MECOM: variants seen among roughly 807,000 people sequenced by gnomAD.
MECOM encodes the protein MDS1 and EVI1 complex locus.
In MECOM, 13 loss-of-function variants were observed where a neutral mutation model predicts 116.3. The observed-to-expected ratio is 0.11, with a 90% CI of 0.07 to 0.18. The LOEUF is 0.18. Ranked by LOEUF, MECOM falls within the 10% of genes least tolerant of loss-of-function variation. The probability of loss-of-function intolerance (pLI) is 1.00; values close to 1 mark genes in which losing one functional copy is unlikely to be tolerated. For synonymous variants in MECOM, 528 were observed against 535.2 expected, an observed-to-expected ratio of 0.99 and a Z score of 0.19; for missense variants, 1,299 against 1,509.0, an observed-to-expected ratio of 0.86 and a Z score of 2.31.
intron 2 of MECOM, among the ~76,000 whole-genome samples, chr3:169,158,013 C>T (rs1577207869): frequency 6.6e-6 from 1 of 152,154 alleles, no homozygotes; most frequent in East Asian, 1.9e-4. Context: ...ACATTTTAAA[C>T]TCATACTTTT....
At chr3:169,295,630 C>A (rs1412780885) in intron 2 of MECOM, among the ~76,000 whole-genome samples, 1 of 152,084 alleles carries the variant, frequency 6.6e-6, no homozygotes, top group African/African-American at 2.4e-5. Context: ...CTCTCAAATT[C>A]TTTTTATGTT....
intron 1 of MECOM, among the ~76,000 whole-genome samples, chr3:169,390,365 T>A (rs1734027004): frequency 6.6e-6 from 1 of 152,150 alleles, no homozygotes; most frequent in South Asian, 2.1e-4. Context: ...CTCTAACCAG[T>A]GAAACTGGAA....
intron 1 of MECOM, among the ~76,000 whole-genome samples, chr3:169,576,277 G>T (rs763847396): frequency 6.6e-6 from 1 of 151,926 alleles, no homozygotes; most frequent in African/African-American, 2.4e-5. Context: ...CGTTTATTAA[G>T]TACCAACAGT....
intron 2 of MECOM, chr3:169,149,742 C>T: frequency 6.6e-6 from 3 of 455,948 alleles, no homozygotes; most frequent in South Asian, 3.1e-5. Context: ...CCTCCGAGAC[C>T]TTGGAAGATG....
intron 11 of MECOM, 140 bp downstream of exon 11, chr3:169,101,920 G>T: frequency 1.5e-6 from 1 of 679,038 alleles, no homozygotes; most frequent in Non-Finnish European, 2.2e-6. Flanking sequence ...ACTAAATGAA[G>T]AACACTTTGA....
intron 1 of MECOM, among the ~76,000 whole-genome samples, chr3:169,407,616 A>C (rs191856703): frequency 1.3e-5 from 2 of 152,340 alleles, no homozygotes; most frequent in East Asian, 1.9e-4. Context: ...CTTATATCTT[A>C]AACACCTCAA....
At chr3:169,131,387 C>A (rs1200755975) in intron 4 of MECOM, 42 bp downstream of exon 4, 2 of 1,494,400 alleles carry the variant, frequency 1.3e-6, no homozygotes, top group Non-Finnish European at 1.9e-6. Context: ...TTTATAGTCG[C>A]GATGATAAGG....
chr3:169,103,338 G>A (rs1724237893), intron 10 of MECOM, among the ~76,000 whole-genome samples: 1 of 151,910 alleles, frequency 6.6e-6, no homozygotes, highest in Non-Finnish European at 1.5e-5. Context: ...AACATGTTGT[G>A]TTTCCTCAGG....
At chr3:169,438,093 T>C (rs2108594664) in intron 1 of MECOM, among the ~76,000 whole-genome samples, 1 of 152,280 alleles carries the variant, frequency 6.6e-6, no homozygotes, top group East Asian at 1.9e-4. Flanking sequence ...GCAGTAATAT[T>C]AGGAAAAAGA....
chr3:169,547,003 C>A (rs960980620), intron 1 of MECOM, among the ~76,000 whole-genome samples: 1 of 152,122 alleles, frequency 6.6e-6, no homozygotes, highest in African/African-American at 2.4e-5. Flanking sequence ...GGTCAACATC[C>A]TATTAAAGAC....
intron 2 of MECOM, among the ~76,000 whole-genome samples, chr3:169,156,361 G>A (rs1261227121): frequency 1.3e-5 from 2 of 152,078 alleles, no homozygotes; most frequent in African/African-American, 4.8e-5. Flanking sequence ...AAACAATTTT[G>A]TAAATAAAGT....
intron 2 of MECOM, among the ~76,000 whole-genome samples, chr3:169,338,079 A>C (rs767008277): frequency 2.6e-5 from 4 of 152,230 alleles, no homozygotes; most frequent in Non-Finnish European, 5.9e-5. Context: ...GTTGCGATAT[A>C]ATCAGAGGGT....
At chr3:169,322,997 T>TTAAA (rs1270690613) in intron 2 of MECOM, among the ~76,000 whole-genome samples, 798 of 56,038 alleles carry the variant, frequency 0.014, 68 homozygotes, top group African/African-American at 0.046. Flanking sequence ...AAGACTCCGG[T>TTAAA]AAAAAAAAAA....
At chr3:169,458,428 G>A (rs759279222) in intron 1 of MECOM, among the ~76,000 whole-genome samples, 1 of 152,118 alleles carries the variant, frequency 6.6e-6, no homozygotes, top group South Asian at 2.1e-4. Flanking sequence ...ATCCAACAGC[G>A]CCGAGATATA....
intron 2 of MECOM, among the ~76,000 whole-genome samples, chr3:169,160,695 C>T (rs1553863091): frequency 2.0e-5 from 3 of 150,852 alleles, no homozygotes; most frequent in Non-Finnish European, 4.4e-5. Flanking sequence ...GTTTGTAAAA[C>T]AAAAAAAGGC....
chr3:169,247,836 A>C (rs576651273), intron 2 of MECOM, among the ~76,000 whole-genome samples: 1 of 152,316 alleles, frequency 6.6e-6, no homozygotes, highest in South Asian at 2.1e-4. Flanking sequence ...ATTTAAACAG[A>C]ATCTTTGGAC....
rs1485021594 is a variant in MECOM, at chr3:169,183,757, TACATACACACACACACACAC to T, written c.376-39945_376-39926del. ...TACGTTAAGGACTGTAGAAGATACA[TACATACACACACACACACAC>T]ACACACACACACACACACACACACA... On this transcript the variant is annotated intron_variant, in intron 2 of 16. Transcript: ENST00000651503. Among the ~76,000 whole-genome samples the T allele has an allele frequency of 6.6e-4, 56 of 84,580 alleles. 1 individual carries two copies. The East Asian group carries it at 8.1e-3, about 12-fold the overall frequency. 55.5% of individuals were successfully genotyped at this position (84,580 alleles called of 152,430 possible).
At chr3:169,284,980 G>T (rs1712968080) in intron 2 of MECOM, among the ~76,000 whole-genome samples, 1 of 152,170 alleles carries the variant, frequency 6.6e-6, no homozygotes, top group Non-Finnish European at 1.5e-5. Context: ...AGGATCCATG[G>T]TGTGGCCCCC....
intron 5 of MECOM, 140 bp from the exon 6 acceptor site, chr3:169,122,867 G>T: frequency 1.1e-6 from 1 of 915,870 alleles, no homozygotes; most frequent in Non-Finnish European, 1.6e-6. Context: ...GCAGAAACAG[G>T]CTTGTGACAG....
Sources: gnomAD v4.1 joint callset for allele counts (sites outside exome capture counted in the v4.1 genomes callset) on GRCh38, gnomAD v4.1.1 for gene constraint, MANE v1.5 for transcripts, NCBI Gene and HGNC (gene_info 2026-07-23, HGNC 2026-07-21) for gene names.